MCF2L: variants seen among roughly 807,000 people sequenced by gnomAD.
The protein encoded by MCF2L is MCF.2 cell line derived transforming sequence like, also known as guanine nucleotide exchange factor DBS.
In MCF2L, 97 loss-of-function variants were observed where a neutral mutation model predicts 153.4. The observed-to-expected ratio is 0.63, with a 90% CI of 0.54 to 0.75. MCF2L has a LOEUF of 0.75. Ranked by LOEUF, MCF2L falls within the 30% of genes least tolerant of loss-of-function variation. The pLI is 0.00. For synonymous variants in MCF2L, 659 were observed against 632.2 expected, an observed-to-expected ratio of 1.04 and a Z score of -0.64; for missense variants, 1,347 against 1,495.2, an observed-to-expected ratio of 0.90 and a Z score of 1.64.
intron 3 of MCF2L, among the ~76,000 whole-genome samples, chr13:113,033,570 G>T (rs2085934697): frequency 6.6e-6 from 1 of 152,206 alleles, no homozygotes; most frequent in South Asian, 2.1e-4. Flanking sequence ...CCCCGCCATG[G>T]TGTTCTGTCT....
rs201499217 is a variant in MCF2L at position 113,087,734 on chromosome 13, G to A, written c.2623G>A (p.Val875Met). 3.0e-4 allele frequency: 478 copies of A among 1,614,104 alleles called. No individual in the cohort carries two copies. The highest frequency in any genetic ancestry group is 3.5e-4 in the Non-Finnish European group (413 of 1,180,036). Residue 875 changes from valine (V) to methionine (M), a missense_variant, in exon 23 of 30, where the codon GTG (valine) becomes ATG (methionine). Physicochemically the swap from Val to Met is conservative, Grantham distance 21. Transcript: ENST00000535094. ...NMAAVGITEN[V>M]KGDAKKFEIW... is the part of the protein sequence containing the mutation. ...GGCTGCCGTTGGCATTACGGAGAAC[G>A]TGAAGGGAGATGCTAAGAAGTTCGA...
At chr13:112,926,677 A>G (rs1310773428) in intron 2 of MCF2L, among the ~76,000 whole-genome samples, 2 of 152,222 alleles carry the variant, frequency 1.3e-5, no homozygotes, top group Non-Finnish European at 2.9e-5. Context: ...ATATGAACCC[A>G]AAGGACATTC....
chr13:112,987,858 C>G (rs2082714199), intron 1 of MCF2L, among the ~76,000 whole-genome samples: 1 of 152,232 alleles, frequency 6.6e-6, no homozygotes, highest in South Asian at 2.1e-4. Context: ...CACAGCGGAC[C>G]TGTGAGAAAT....
At chr13:113,018,486 G>A (rs151336309) in intron 2 of MCF2L, among the ~76,000 whole-genome samples, 205 of 152,312 alleles carry the variant, frequency 1.3e-3, no homozygotes, top group African/African-American at 4.4e-3. Context: ...GCTGCCTCCT[G>A]AGTCATCCGT....
intron 2 of MCF2L, among the ~76,000 whole-genome samples, chr13:112,948,091 C>T (rs1055812875): frequency 3.3e-5 from 5 of 152,214 alleles, no homozygotes; most frequent in Non-Finnish European, 5.9e-5. Context: ...TGGCTGTGGG[C>T]AGTGAGGTTG....
rs2035785796 is a variant in MCF2L at position 113,098,164 on chromosome 13, G to A, written c.*1305G>A. The A allele has an allele frequency of 1.3e-5, 2 of 152,558 alleles. No homozygotes were observed. Among genetic ancestry groups the A allele is most frequent in the South Asian group, 2.1e-4 (1 of 4,836 alleles). 9.5% of individuals were successfully genotyped at this position (152,558 alleles called of 1,614,324 possible). The stretch of plus-strand genomic sequence containing the variant: ...GGGAGGGCCGCCTCACAGCCTCACG[G>A]TTCCCAGCCCCAGCACAGTGGAGGC... On this transcript the variant is annotated 3_prime_UTR_variant, in exon 30 of 30. Coordinates refer to ENST00000535094, the MANE Select transcript of MCF2L (RefSeq NM_001112732.3).
intron 2 of MCF2L, among the ~76,000 whole-genome samples, chr13:112,908,517 G>A (rs906018567): frequency 5.9e-5 from 9 of 152,270 alleles, no homozygotes; most frequent in East Asian, 1.9e-4. Flanking sequence ...AGCCAGAGCC[G>A]ATTTTGCATG....
intron 1 of MCF2L, among the ~76,000 whole-genome samples, chr13:112,977,061 C>A (rs1418868608): frequency 6.6e-6 from 1 of 152,196 alleles, no homozygotes; most frequent in Non-Finnish European, 1.5e-5. Flanking sequence ...CTCCCACCCG[C>A]ATCAGCCCAG....
rs529668390 is a variant in MCF2L, at chr13:112,918,357, G to A, written c.169+15986G>A. Reference sequence around the variant, plus strand: ...GGGAAGCCAGCTTGGTGGAAGCTCCGTGTTGGGGAACTCCAGTAGACTGGG... The same window carrying A: ...GGGAAGCCAGCTTGGTGGAAGCTCCATGTTGGGGAACTCCAGTAGACTGGG... On this transcript the variant is annotated intron_variant, in intron 2 of 29. Transcript: ENST00000375608. Among the ~76,000 whole-genome samples, 15 of 152,308 alleles carry A rather than the reference G, an allele frequency of 9.8e-5. No individual in the cohort carries two copies. In the East Asian group the frequency reaches 1.2e-3, roughly 12 times the overall value.
chr13:113,090,036 C>T (rs1276432009), intron 26 of MCF2L: 7 of 1,593,920 alleles, frequency 4.4e-6, no homozygotes, highest in Non-Finnish European at 1.7e-6. Context: ...GTTGCGATGC[C>T]CTCTGCATAG....
At chr13:113,090,237 T>C in intron 26 of MCF2L, 18 of 1,416,976 alleles carry the variant, frequency 1.3e-5, no homozygotes, top group Non-Finnish European at 1.6e-5. Flanking sequence ...CATTCGTGCC[T>C]CCTTCGTCAC....
At chr13:113,094,373 A>C in intron 26 of MCF2L, 141 bp from the exon 27 acceptor site, 3 of 815,360 alleles carry the variant, frequency 3.7e-6, no homozygotes, top group Non-Finnish European at 3.7e-6. Context: ...CTCTTTATGA[A>C]CCCGGGAAGA....
At position 113,064,421 on chromosome 13, in the gene MCF2L, G is replaced by T; in HGVS notation, c.606+1G>T. 1 of 1,606,614 alleles carries T rather than the reference G, an allele frequency of 6.2e-7. No individual in the cohort carries two copies. Among genetic ancestry groups the T allele is most frequent in the Non-Finnish European group, 8.5e-7 (1 of 1,175,328 alleles). On this transcript the variant is annotated splice_donor_variant, in intron 6 of 29. Transcript: ENST00000535094. LOFTEE classifies it high-confidence loss of function. The surrounding 1 kb of genome is among the most constrained non-coding windows in gnomAD (Gnocchi z 6.0). ...CTCCCGGTGGCTGTGCCAGCGCACG[G>T]TGAGCCGCGTCGGGGCCAGCGGGGC...
intron 2 of MCF2L, among the ~76,000 whole-genome samples, chr13:113,021,308 CTGAG>C (rs1423483168): frequency 6.6e-6 from 1 of 152,180 alleles, no homozygotes; most frequent in Non-Finnish European, 1.5e-5. Flanking sequence ...GTGTATTAAA[CTGAG>C]TGTGTATCTC....
At chr13:112,963,055 G>A (rs1021977058) in intron 2 of MCF2L, among the ~76,000 whole-genome samples, 8 of 152,176 alleles carry the variant, frequency 5.3e-5, no homozygotes, top group Admixed American at 6.5e-5. Context: ...GGAGGTGGAC[G>A]AAGGGGTTCT....
At chr13:112,944,696 C>T (rs995948925) in intron 2 of MCF2L, among the ~76,000 whole-genome samples, 1 of 151,850 alleles carries the variant, frequency 6.6e-6, no homozygotes, top group Non-Finnish European at 1.5e-5. Context: ...CTGTGTTAGC[C>T]AGGATGGTCT....
chr13:113,087,907 C>A, intron 23 of MCF2L, 108 bp downstream of exon 23: 1 of 889,196 alleles, frequency 1.1e-6, no homozygotes, highest in Non-Finnish European at 1.8e-6. Flanking sequence ...CAGGAGCAGC[C>A]GCTGTACACT....
chr13:113,088,577 G>A lies in MCF2L; in HGVS notation c.2783G>A (p.Arg928Gln), dbSNP rs754735255. The stretch of plus-strand genomic sequence containing the variant: ...CTCCTCGCAGAAGCCAGCCAGCACC[G>A]GGCGCTGGAGCAGTCACAGAGCCTG... Reference protein sequence around the residue: ...LQACREASQHRALEQSQSLPL... With the variant: ...LQACREASQHQALEQSQSLPL... Residue 928 changes from arginine to glutamine, a missense_variant, in exon 25 of 30, where the codon CGG (arginine) becomes CAG (glutamine). Physicochemically the swap from Arg to Gln is conservative, Grantham distance 43. Transcript: ENST00000535094. 5.9e-5 allele frequency: 95 copies of A among 1,610,560 alleles called. No individual in the cohort carries two copies. Among genetic ancestry groups the A allele is most frequent in the East Asian group, 6.7e-5 (3 of 44,862 alleles).
At chr13:113,024,913 C>T in intron 3 of MCF2L, 155 bp downstream of exon 3, 1 of 633,378 alleles carries the variant, frequency 1.6e-6, no homozygotes, top group Non-Finnish European at 2.9e-6. Context: ...GGGGCAGAGT[C>T]CCTGTGAGAT....
Sources: gnomAD v4.1 joint callset for allele counts (sites outside exome capture counted in the v4.1 genomes callset) on GRCh38, gnomAD v4.1.1 for gene constraint, Gnocchi (gnomAD v3.1) non-coding constraint, MANE v1.5 for transcripts, NCBI Gene and HGNC (gene_info 2026-07-23, HGNC 2026-07-21) for gene names.